Variants in STOX2 observed in about 807,000 individuals in gnomAD.
The protein encoded by STOX2 is storkhead box 2, also known as storkhead-box protein 2.
Under a neutral mutation model 60.9 loss-of-function variants are expected in STOX2, and 28 were observed. The ratio of observed to expected loss-of-function variants is 0.46; its 90% CI spans 0.34 to 0.63. STOX2 has a LOEUF of 0.63. Ranked by LOEUF, STOX2 falls within the 30% of genes least tolerant of loss-of-function variation. The pLI is 0.01. For missense variants in STOX2, 1,024 were observed against 1,187.7 expected, an observed-to-expected ratio of 0.86 and a Z score of 2.03; for synonymous variants, 472 against 463.9, an observed-to-expected ratio of 1.02 and a Z score of -0.22.
intron 1 of STOX2, among the ~76,000 whole-genome samples, chr4:183,995,727 C>T (rs1039569247): frequency 5.3e-5 from 8 of 152,174 alleles, no homozygotes; most frequent in Non-Finnish European, 8.8e-5. Context: ...GGCAGTGCCT[C>T]GTCACCGTCA....
chr4:183,985,099 G>A (rs1189298025), intron 1 of STOX2, among the ~76,000 whole-genome samples: 4 of 152,232 alleles, frequency 2.6e-5, no homozygotes, highest in East Asian at 1.9e-4. Context: ...AGGGGCAGTC[G>A]TTAGGGGTCA....
chr4:184,004,457 G>A (rs959774684), intron 2 of STOX2, among the ~76,000 whole-genome samples: 3 of 152,070 alleles, frequency 2.0e-5, no homozygotes, highest in Admixed American at 6.5e-5. Flanking sequence ...AAAATTAGCC[G>A]GGCTTGGTGG....
intron 1 of STOX2, among the ~76,000 whole-genome samples, chr4:183,844,324 C>G (rs1739938227): frequency 6.6e-6 from 1 of 152,144 alleles, no homozygotes; most frequent in African/African-American, 2.4e-5. Flanking sequence ...TCATTTCTCT[C>G]TTTAGGTTGC....
At chr4:183,857,247 TC>T (rs1740310364) in intron 1 of STOX2, among the ~76,000 whole-genome samples, 1 of 140,266 alleles carries the variant, frequency 7.1e-6, no homozygotes, top group South Asian at 2.4e-4. Flanking sequence ...ACTGGTCATC[TC>T]GCAGGACTGG....
chr4:183,805,984 T>A (rs1579285835), intron 1 of STOX2, among the ~76,000 whole-genome samples: 1 of 152,170 alleles, frequency 6.6e-6, no homozygotes, highest in East Asian at 1.9e-4. Context: ...GATAAATGAC[T>A]TAGATAAAGA....
intron 1 of STOX2, among the ~76,000 whole-genome samples, chr4:183,802,170 C>G (rs1738779229): frequency 6.6e-6 from 1 of 152,220 alleles, no homozygotes; most frequent in Admixed American, 6.5e-5. Context: ...GCACTTTACA[C>G]TTTCCCATTT....
chr4:183,891,935 G>C (rs1741224428), intron 1 of STOX2, among the ~76,000 whole-genome samples: 1 of 152,184 alleles, frequency 6.6e-6, no homozygotes, highest in Non-Finnish European at 1.5e-5. Context: ...TGAAGAGATG[G>C]TTGCTTTTGT....
chr4:183,819,428 G>A (rs974421528), intron 1 of STOX2, among the ~76,000 whole-genome samples: 12 of 151,940 alleles, frequency 7.9e-5, no homozygotes, highest in Non-Finnish European at 1.3e-4. Flanking sequence ...GCCCACAATC[G>A]CAGGCACTGG....
intron 1 of STOX2, among the ~76,000 whole-genome samples, chr4:183,886,901 C>T (rs1179386563): frequency 6.6e-6 from 1 of 152,156 alleles, no homozygotes; most frequent in Admixed American, 6.6e-5. Context: ...TTCTTGAAGG[C>T]TATGTTCCTA....
chr4:183,833,125 C>T (rs1739614196), intron 1 of STOX2, among the ~76,000 whole-genome samples: 1 of 152,226 alleles, frequency 6.6e-6, no homozygotes, highest in Non-Finnish European at 1.5e-5. Flanking sequence ...TTGATACACT[C>T]AGTTCTTAAT....
At chr4:183,950,398 C>G (rs1420953099) in intron 1 of STOX2, among the ~76,000 whole-genome samples, 1 of 152,066 alleles carries the variant, frequency 6.6e-6, no homozygotes, top group African/African-American at 2.4e-5. Flanking sequence ...AAACAGGCTG[C>G]TAGGAGGTTC....
At chr4:183,957,900 A>G (rs904630827) in intron 1 of STOX2, among the ~76,000 whole-genome samples, 11 of 151,520 alleles carry the variant, frequency 7.3e-5, no homozygotes, top group African/African-American at 2.7e-4. Flanking sequence ...AAGAGAGTGA[A>G]TAAGGCACCC....
intron 1 of STOX2, among the ~76,000 whole-genome samples, chr4:183,832,365 T>G (rs1739589605): frequency 6.6e-6 from 1 of 152,126 alleles, no homozygotes; most frequent in African/African-American, 2.4e-5. Context: ...GGCTCCTAGT[T>G]GTATGCTTAT....
intron 1 of STOX2, among the ~76,000 whole-genome samples, chr4:183,898,306 G>A (rs1356300929): frequency 6.6e-6 from 1 of 151,946 alleles, no homozygotes; most frequent in Non-Finnish European, 1.5e-5. Context: ...GATTGAGAAT[G>A]ACTCCCAGGT....
chr4:183,922,350 CTTT>C (rs578015913), intron 1 of STOX2, among the ~76,000 whole-genome samples: 1 of 142,740 alleles, frequency 7.0e-6, no homozygotes, highest in Non-Finnish European at 1.5e-5. Context: ...ACCATCTTAA[CTTT>C]TTTTTTTTTT....
chr4:183,878,237 T>A (rs747696632), intron 1 of STOX2, among the ~76,000 whole-genome samples: 2 of 152,204 alleles, frequency 1.3e-5, no homozygotes, highest in Non-Finnish European at 2.9e-5. Context: ...GAGACATTTT[T>A]AGATTCAGTG....
chr4:183,798,891 T>TCCGGTGGCTAAAAGCGTACATAG lies in STOX2; in HGVS notation c.364+836_364+837insCCGGTGGCTAAAAGCGTACATAG, dbSNP rs375890591. 181 of 184,956 alleles carry TCCGGTGGCTAAAAGCGTACATAG rather than the reference T, an allele frequency of 9.8e-4. 10 individuals are homozygous for TCCGGTGGCTAAAAGCGTACATAG. Among genetic ancestry groups the TCCGGTGGCTAAAAGCGTACATAG allele is most frequent in the Middle Eastern group, 2.1e-3 (1 of 482 alleles). 11.5% of individuals were successfully genotyped at this position (184,956 alleles called of 1,614,324 possible). On this transcript the variant is annotated intron_variant, in intron 1 of 2. Coordinates refer to the STOX2 transcript ENST00000513034. ...ATACTTTTGAGTTTTGTACTTTGGG[T>TCCGGTGGCTAAAAGCGTACATAG]TTTATACTTTGAGTTTTTGTACTAT... is the stretch of plus-strand genomic sequence containing the variant.
At chr4:183,955,560 G>A (rs1743221897) in intron 1 of STOX2, among the ~76,000 whole-genome samples, 2 of 152,208 alleles carry the variant, frequency 1.3e-5, no homozygotes, top group Middle Eastern at 3.4e-3. Flanking sequence ...TTTAAGGCTG[G>A]CTAACAGCTG....
At chr4:183,810,320 G>GA (rs1267844278) in intron 1 of STOX2, among the ~76,000 whole-genome samples, 3 of 152,116 alleles carry the variant, frequency 2.0e-5, no homozygotes, top group African/African-American at 4.8e-5. Flanking sequence ...CTAGGTTAAA[G>GA]AAAAAATTAT....
Sources: gnomAD v4.1 joint callset for allele counts (sites outside exome capture counted in the v4.1 genomes callset) on GRCh38, gnomAD v4.1.1 for gene constraint, MANE v1.5 for transcripts, NCBI Gene and HGNC (gene_info 2026-07-23, HGNC 2026-07-21) for gene names.